The following PLPP4 variants were observed in gnomAD, a reference collection of about 807,000 sequenced individuals.
PLPP4 encodes the protein phospholipid phosphatase 4, also known as diacylglycerol pyrophosphate like 2.
A neutral mutation model predicts 32.2 loss-of-function variants in PLPP4; 20 were observed. That is an observed-to-expected ratio of 0.62 (90% CI 0.44 to 0.90). PLPP4 has a LOEUF of 0.90. Among genes scored for constraint, PLPP4 ranks in the 40% least tolerant of loss-of-function variants. The probability of loss-of-function intolerance (pLI) is 0.00; values close to 1 mark genes in which losing one functional copy is unlikely to be tolerated. For synonymous variants in PLPP4, 127 were observed against 133.0 expected (o/e 0.95, Z 0.31); for missense variants, 257 against 353.1 (o/e 0.73, Z 2.18).
At chr10:120,533,244 A>G (rs1846823590) in intron 5 of PLPP4, among the ~76,000 whole-genome samples, 1 of 152,168 alleles carries the variant, frequency 6.6e-6, no homozygotes. Context: ...TATGATTTTG[A>G]TTTATGTTTC....
intron 6 of PLPP4, among the ~76,000 whole-genome samples, chr10:120,578,200 T>C (rs1589921006): frequency 6.6e-6 from 1 of 152,314 alleles, no homozygotes; most frequent in South Asian, 2.1e-4. Flanking sequence ...GTTTTGTTCA[T>C]TCAATACTCA....
intron 2 of PLPP4, among the ~76,000 whole-genome samples, chr10:120,507,946 G>C (rs1845572891): frequency 6.6e-6 from 1 of 152,178 alleles, no homozygotes; most frequent in Non-Finnish European, 1.5e-5. Flanking sequence ...TGAGGAATAG[G>C]TAAGACTCAG....
chr10:120,550,587 T>C (rs565272613), intron 5 of PLPP4, among the ~76,000 whole-genome samples: 18 of 151,680 alleles, frequency 1.2e-4, no homozygotes, highest in African/African-American at 4.3e-4. Context: ...AATAGATCAA[T>C]AAAACAGAAT....
At chr10:120,538,046 C>CTGTGTGTG (rs1564825161) in intron 5 of PLPP4, among the ~76,000 whole-genome samples, 1 of 24,702 alleles carries the variant, frequency 4.0e-5, no homozygotes, top group African/African-American at 1.7e-4. Flanking sequence ...CTCTCTCTCT[C>CTGTGTGTG]TCTCTCTGTG....
intron 1 of PLPP4, among the ~76,000 whole-genome samples, chr10:120,498,408 A>G: frequency 6.6e-6 from 1 of 152,320 alleles, no homozygotes; most frequent in South Asian, 2.1e-4. Context: ...AGTGTCATTA[A>G]ATAGCATTTT....
intron 5 of PLPP4, among the ~76,000 whole-genome samples, chr10:120,527,579 A>AG (rs1434929755): frequency 1.3e-5 from 2 of 152,222 alleles, no homozygotes; most frequent in Non-Finnish European, 2.9e-5. Flanking sequence ...AAGTTGACAC[A>AG]TAAGGTTACC....
chr10:120,563,777 G>GCAGTCC (rs1485966621), intron 5 of PLPP4, among the ~76,000 whole-genome samples: 79 of 110,044 alleles, frequency 7.2e-4, no homozygotes, highest in Middle Eastern at 5.2e-3. Context: ...TCCGCAGTCC[G>GCAGTCC]GCCTGGGCGA....
In PLPP4 at chr10:120,564,718, A is replaced by G. The variant is rs1363449020; in HGVS notation, c.446-10413A>G. ...TCTACTACCTGTGTAAGTCATGATC[A>G]TCTTTATCTCTAATATTGCTTCTTA... On this transcript the variant is annotated intron_variant, in intron 5 of 6. Transcript: ENST00000398250. 4.6e-5 allele frequency among the ~76,000 whole-genome samples: 7 copies of G among 151,940 alleles called. 1 individual carries two copies. The highest frequency in any genetic ancestry group is 1.7e-4 in the African/African-American group (7 of 41,456).
intron 1 of PLPP4, among the ~76,000 whole-genome samples, chr10:120,465,611 G>A (rs149990002): frequency 1.8e-3 from 271 of 152,256 alleles, no homozygotes; most frequent in African/African-American, 6.3e-3. Context: ...TTTTATTGAA[G>A]TATTAGTTTG....
intron 5 of PLPP4, among the ~76,000 whole-genome samples, chr10:120,551,668 G>T (rs1258941421): frequency 6.6e-6 from 1 of 152,166 alleles, no homozygotes; most frequent in African/African-American, 2.4e-5. Context: ...AATTAGAGTA[G>T]TTGTCCTAAG....
chr10:120,517,344 A>G (rs1046021665), intron 3 of PLPP4, among the ~76,000 whole-genome samples: 1 of 152,216 alleles, frequency 6.6e-6, no homozygotes, highest in Non-Finnish European at 1.5e-5. Flanking sequence ...GAATATGGCA[A>G]AGATATCCCA....
chr10:120,518,260 C>T (rs1314966626), intron 3 of PLPP4, among the ~76,000 whole-genome samples: 3 of 152,152 alleles, frequency 2.0e-5, no homozygotes, highest in East Asian at 1.9e-4. Flanking sequence ...AAGCACCGCC[C>T]GGGCAGACCT....
chr10:120,579,557 G>A (rs193233329), intron 6 of PLPP4, among the ~76,000 whole-genome samples: 5 of 152,276 alleles, frequency 3.3e-5, no homozygotes, highest in African/African-American at 1.2e-4. Context: ...ATATTGTGCT[G>A]GACTATTTCA....
At chr10:120,528,383 CTTTCT>C (rs1469487775) in intron 5 of PLPP4, among the ~76,000 whole-genome samples, 2 of 152,128 alleles carry the variant, frequency 1.3e-5, no homozygotes, top group Middle Eastern at 3.2e-3. Context: ...CGCCACTCTC[CTTTCT>C]TTTAAGAATT....
chr10:120,481,077 A>G (rs1343442003), intron 1 of PLPP4, among the ~76,000 whole-genome samples: 1 of 152,196 alleles, frequency 6.6e-6, no homozygotes, highest in Admixed American at 6.5e-5. Flanking sequence ...ACCCTGAGCT[A>G]TGACACAGTG....
intron 6 of PLPP4, among the ~76,000 whole-genome samples, chr10:120,582,806 CCTTCCTT>C (rs1849581304): frequency 7.4e-6 from 1 of 135,162 alleles, no homozygotes; most frequent in African/African-American, 2.8e-5. Flanking sequence ...TCCCTCCCTT[CCTTCCTT>C]CCTTCCTTCT....
chr10:120,484,381 A>G (rs187177896), intron 1 of PLPP4, among the ~76,000 whole-genome samples: 199 of 152,316 alleles, frequency 1.3e-3, no homozygotes, highest in African/African-American at 4.6e-3. Flanking sequence ...ACAGAAATGT[A>G]TTGGTGCATG....
chr10:120,531,057 AAAG>A (rs1196817836), intron 5 of PLPP4, among the ~76,000 whole-genome samples: 2 of 151,738 alleles, frequency 1.3e-5, no homozygotes, highest in Non-Finnish European at 2.9e-5. Flanking sequence ...TAGAAGAAAG[AAAG>A]AAGAAGAAAT....
rs568577941 is a variant in PLPP4 at position 120,541,029 on chromosome 10, G to A, written c.445+19934G>A. ...TTTAAAATTATTTTTCTGTATATTC[G>A]TAACCAGATATTATTGCGTGTCAAA... On this transcript the variant is annotated intron_variant, in intron 5 of 6. Transcript: ENST00000398250. Among the ~76,000 whole-genome samples the A allele has an allele frequency of 4.6e-5, 7 of 152,230 alleles. No homozygotes were observed. The East Asian group carries it at 5.8e-4, about 13-fold the overall frequency.
Sources: allele counts gnomAD v4.1 joint callset (sites outside exome capture counted in the v4.1 genomes callset), GRCh38; gene constraint gnomAD v4.1.1; transcripts MANE v1.5; gene names NCBI Gene and HGNC (gene_info 2026-07-23, HGNC 2026-07-21).